The following NBEA variants were observed in gnomAD, a reference collection of about 807,000 sequenced individuals.
NBEA encodes the protein lysosomal-trafficking regulator 2.
Under a neutral mutation model 343.4 loss-of-function variants are expected in NBEA, and 44 were observed. The ratio of observed to expected loss-of-function variants is 0.13; its 90% CI spans 0.10 to 0.16. The LOEUF (loss-of-function observed/expected upper bound fraction) is 0.16, where lower values mean the gene tolerates loss of function less well. Ranked by LOEUF, NBEA falls within the 10% of genes least tolerant of loss-of-function variation. The pLI is 1.00. For synonymous variants in NBEA, 1,175 were observed against 1,238.7 expected (o/e 0.95, Z 1.08); for missense variants, 2,555 against 3,631.3 (o/e 0.70, Z 7.62).
chr13:35,501,864 A>C (rs1007297515), intron 41 of NBEA, among the ~76,000 whole-genome samples: 2 of 152,078 alleles, frequency 1.3e-5, no homozygotes, highest in African/African-American at 4.8e-5. Flanking sequence ...AATCCTTTTA[A>C]ATTCCAGATC....
At chr13:35,394,665 C>T (rs141470214) in intron 38 of NBEA, among the ~76,000 whole-genome samples, 1 of 151,998 alleles carries the variant, frequency 6.6e-6, no homozygotes, top group Non-Finnish European at 1.5e-5. Flanking sequence ...AGAACATGAA[C>T]TCACTTCCCT....
intron 38 of NBEA, among the ~76,000 whole-genome samples, chr13:35,362,976 G>A (rs1211895044): frequency 7.1e-6 from 1 of 141,562 alleles, no homozygotes; most frequent in Non-Finnish European, 1.5e-5. Flanking sequence ...GCAAATTCTG[G>A]GTTTAGAATA....
intron 41 of NBEA, chr13:35,476,570 C>T (rs1430020245): frequency 3.5e-6 from 2 of 571,374 alleles, no homozygotes; most frequent in South Asian, 2.0e-5. Context: ...TTTATTTGCG[C>T]TTTCCCGTAA....
intron 36 of NBEA, among the ~76,000 whole-genome samples, chr13:35,347,350 A>G (rs1348165710): frequency 6.6e-6 from 1 of 152,044 alleles, no homozygotes; most frequent in Non-Finnish European, 1.5e-5. Flanking sequence ...GCAGTGAAAA[A>G]AAGTAATGCT....
intron 45 of NBEA, among the ~76,000 whole-genome samples, chr13:35,568,622 A>G (rs538944077): frequency 6.6e-6 from 1 of 152,302 alleles, no homozygotes; most frequent in South Asian, 2.1e-4. Flanking sequence ...GAGATAATAC[A>G]TGCAGGTTGA....
chr13:35,222,389 A>T (rs1433232841), intron 33 of NBEA, among the ~76,000 whole-genome samples: 1 of 152,070 alleles, frequency 6.6e-6, no homozygotes, highest in African/African-American at 2.4e-5. Context: ...TCAAACTGAC[A>T]ATTTTTATAT....
chr13:35,476,185 G>A (rs2075855924), intron 41 of NBEA: 2 of 1,611,794 alleles, frequency 1.2e-6, no homozygotes, highest in Non-Finnish European at 1.7e-6. Flanking sequence ...GCAGTAAGCT[G>A]TGGGATCCAA....
In NBEA at chr13:35,468,617, A is replaced by G. The variant is rs117396949; in HGVS notation, c.6449-3783A>G. Among the ~76,000 whole-genome samples the G allele has an allele frequency of 4.8e-3, 727 of 152,070 alleles. 7 individuals carry two copies. Among genetic ancestry groups the G allele is most frequent in the Middle Eastern group, 0.02 (6 of 294 alleles). On this transcript the variant is annotated intron_variant, in intron 40 of 58. Transcript: ENST00000379939. ...ACTTAAGTAAAATCCAGATCCTACA[A>G]TGAGTCTTTTAACACCCCTAAGTCA...
chr13:35,281,858 C>T (rs2035072633), intron 34 of NBEA, among the ~76,000 whole-genome samples: 1 of 151,712 alleles, frequency 6.6e-6, no homozygotes, highest in South Asian at 2.1e-4. Context: ...ACAAATTGTT[C>T]GTGTATACAC....
intron 49 of NBEA, among the ~76,000 whole-genome samples, chr13:35,629,646 G>A (rs2083371894): frequency 6.6e-6 from 1 of 152,188 alleles, no homozygotes; most frequent in Non-Finnish European, 1.5e-5. Flanking sequence ...GTTATGAAAT[G>A]GCTGGTGAAA....
At chr13:35,249,151 C>CAA (rs1179922550) in intron 34 of NBEA, among the ~76,000 whole-genome samples, 107 of 49,540 alleles carry the variant, frequency 2.2e-3, no homozygotes, top group African/African-American at 3.2e-3. Context: ...CTCCATCTTA[C>CAA]AAAAAAAAAA....
chr13:35,377,447 T>C (rs1299456463), intron 38 of NBEA, among the ~76,000 whole-genome samples: 1 of 152,226 alleles, frequency 6.6e-6, no homozygotes, highest in African/African-American at 2.4e-5. Context: ...ATCCCTTTCT[T>C]GTATAGCAAT....
intron 45 of NBEA, among the ~76,000 whole-genome samples, chr13:35,568,279 T>A (rs1005143554): frequency 6.6e-6 from 1 of 152,154 alleles, no homozygotes; most frequent in African/African-American, 2.4e-5. Flanking sequence ...CATGGATAAT[T>A]TTAGCTGTGG....
At chr13:35,411,907 A>G (rs1182030868) in intron 38 of NBEA, among the ~76,000 whole-genome samples, 2 of 152,108 alleles carry the variant, frequency 1.3e-5, no homozygotes, top group South Asian at 2.1e-4. Flanking sequence ...TTTTTTAACC[A>G]TCAATGATTT....
chr13:35,032,963 A>G lies in NBEA; in HGVS notation c.295-7970A>G, dbSNP rs1331807613. Among the ~76,000 whole-genome samples the G allele has an allele frequency of 6.6e-5, 10 of 151,694 alleles. 1 individual carries two copies. The East Asian group carries it at 1.9e-3, about 29-fold the overall frequency. ...CTCCCATTCTCTGGATTGTCTCTTC[A>G]CTTTGTTGATTGTTTCTTTTGCTGC... On this transcript the variant is annotated intron_variant, in intron 1 of 58. Coordinates refer to ENST00000379939, the MANE Select transcript of NBEA (RefSeq NM_001385012.1).
chr13:35,101,805 A>T (rs925183112), intron 11 of NBEA, among the ~76,000 whole-genome samples: 1 of 151,764 alleles, frequency 6.6e-6, no homozygotes, highest in African/African-American at 2.4e-5. Context: ...TCATATATGT[A>T]TTTTGGATGT....
At chr13:35,136,517 T>C (rs987742218) in intron 17 of NBEA, among the ~76,000 whole-genome samples, 1 of 152,032 alleles carries the variant, frequency 6.6e-6, no homozygotes, top group African/African-American at 2.4e-5. Context: ...TCTAGGAAAA[T>C]TTGACAGAGA....
chr13:35,238,080 T>C (rs1052118161), intron 34 of NBEA, among the ~76,000 whole-genome samples: 2 of 152,130 alleles, frequency 1.3e-5, no homozygotes, highest in Admixed American at 6.5e-5. Context: ...AAATTATGGG[T>C]TTTCAATTTA....
intron 41 of NBEA, among the ~76,000 whole-genome samples, chr13:35,517,783 G>C (rs1325159847): frequency 1.3e-5 from 2 of 151,924 alleles, no homozygotes; most frequent in South Asian, 2.1e-4. Flanking sequence ...TTCTATAGTT[G>C]TCTACTCACT....
Sources: allele counts gnomAD v4.1 joint callset (sites outside exome capture counted in the v4.1 genomes callset), GRCh38; gene constraint gnomAD v4.1.1; transcripts MANE v1.5; gene names NCBI Gene and HGNC (gene_info 2026-07-23, HGNC 2026-07-21).